Variants in CFH observed in about 807,000 individuals in gnomAD.
The protein encoded by CFH is complement factor H.
A neutral mutation model predicts 147.3 loss-of-function variants in CFH; 53 were observed. That is an observed-to-expected ratio of 0.36 (90% CI 0.29 to 0.45). The LOEUF is 0.45. Among genes scored for constraint, CFH ranks in the 20% least tolerant of loss-of-function variants. The pLI, the probability that CFH is intolerant of heterozygous loss-of-function variation, is 1.00. For synonymous variants in CFH, 536 were observed against 489.4 expected (o/e 1.10, Z -1.26); for missense variants, 1,380 against 1,498.0 (o/e 0.92, Z 1.30).
At chr1:196,719,677 TA>T (rs1490595588) in intron 11 of CFH, among the ~76,000 whole-genome samples, 2 of 151,794 alleles carry the variant, frequency 1.3e-5, no homozygotes, top group African/African-American at 4.8e-5. Context: ...ATATTTTGGA[TA>T]ATATTTAGTA....
At chr1:196,684,206 G>A (rs2149084759) in intron 6 of CFH, among the ~76,000 whole-genome samples, 1 of 151,912 alleles carries the variant, frequency 6.6e-6, no homozygotes, top group East Asian at 1.9e-4. Context: ...TGTAAACAAA[G>A]TTTTATTGAA....
intron 11 of CFH, among the ~76,000 whole-genome samples, 190 bp from the exon 12 acceptor site, chr1:196,724,931 A>C (rs530159860): frequency 1.4e-4 from 22 of 152,340 alleles, no homozygotes; most frequent in Admixed American, 1.2e-3. Context: ...CATAACATTT[A>C]TAATAAAGTT....
intron 9 of CFH, among the ~76,000 whole-genome samples, chr1:196,712,667 C>T (rs1295870813): frequency 6.6e-6 from 1 of 151,094 alleles, no homozygotes; most frequent in Non-Finnish European, 1.5e-5. Flanking sequence ...GCACAATGTG[C>T]AGGTTAGTTA....
At chr1:196,681,835 A>G (rs1190906585) in intron 6 of CFH, among the ~76,000 whole-genome samples, 1 of 151,836 alleles carries the variant, frequency 6.6e-6, no homozygotes, top group African/African-American at 2.4e-5. Context: ...CAACTAATAT[A>G]GCATAAATAT....
chr1:196,672,104 T>TA (rs142237195), intron 1 of CFH, among the ~76,000 whole-genome samples: 3 of 152,204 alleles, frequency 2.0e-5, no homozygotes, highest in East Asian at 3.9e-4. Context: ...ACCTAGACTC[T>TA]AGCAAAGCAA....
rs1313218518 is a variant in CFH at position 196,737,567 on chromosome 1, T to C, written c.2689T>C (p.Leu897=). The change falls in exon 17 of 22, where the codon TTG becomes CTG. Residue 897 remains leucine, a synonymous_variant. Coordinates refer to ENST00000367429, the MANE Select transcript of CFH (RefSeq NM_000186.4). ...AGAAAGTTATGCACATGGGACTAAA[T>C]TGAGTTATACTTGTGAGGGTGGTTT... The part of the protein sequence containing the change: ...SQESYAHGTK[L]SYTCEGGFRI... 1 of 1,613,366 alleles carries C rather than the reference T, an allele frequency of 6.2e-7. No individual in the cohort carries two copies. The highest frequency in any genetic ancestry group is 1.7e-5 in the Admixed American group (1 of 59,984).
chr1:196,681,661 T>C (rs1667663342), intron 6 of CFH, among the ~76,000 whole-genome samples: 1 of 151,848 alleles, frequency 6.6e-6, no homozygotes, highest in Non-Finnish European at 1.5e-5. Context: ...GGGTACTCCT[T>C]TTCAGAAGAC....
At chr1:196,708,371 G>T (rs572634757) in intron 9 of CFH, among the ~76,000 whole-genome samples, 34 of 152,226 alleles carry the variant, frequency 2.2e-4, no homozygotes, top group Non-Finnish European at 4.4e-4. Flanking sequence ...AGTACACCAA[G>T]AAATCACCAC....
intron 7 of CFH, among the ~76,000 whole-genome samples, chr1:196,687,811 T>G (rs1056021762): frequency 6.6e-6 from 1 of 152,086 alleles, no homozygotes. Flanking sequence ...GTAAATGTTT[T>G]AATTTCAACA....
Position 196,660,934 on chromosome 1 carries a change from G to A in CFH, c.58+8759G>A, listed in dbSNP as rs192201176. 6.2e-3 allele frequency among the ~76,000 whole-genome samples: 948 copies of A among 152,220 alleles called. 9 individuals are homozygous for A. Among genetic ancestry groups the A allele is most frequent in the African/African-American group, 0.021 (879 of 41,538 alleles). ...ATTTACTTCTCACTAGGAAGTGAGC[G>A]GGCTAAACTTTTTTTGTGTTAATGG... On this transcript the variant is annotated intron_variant, in intron 1 of 21. Coordinates refer to ENST00000367429, the MANE Select transcript of CFH (RefSeq NM_000186.4).
At position 196,677,579 on chromosome 1, in the gene CFH, A is replaced by G. The variant is rs1275340420; in HGVS notation, c.531A>G (p.Val177=). Residue 177 remains valine, a synonymous_variant, in exon 5 of 22, where the codon GTA becomes GTG. Transcript: ENST00000367429. ...ATTTTGGACAAGCAGTACGGTTTGT[A>G]TGTAACTCAGGCTACAAGATTGAAG... ...EYHFGQAVRF[V]CNSGYKIEGD... is the part of the protein sequence containing the mutation. 4 of 1,613,366 alleles carry G rather than the reference A, an allele frequency of 2.5e-6. No homozygotes were observed. Among genetic ancestry groups the G allele is most frequent in the South Asian group, 1.1e-5 (1 of 91,074 alleles).
At chr1:196,713,693 T>A in intron 9 of CFH, 42 bp from the exon 10 acceptor site, 1 of 1,229,628 alleles carries the variant, frequency 8.1e-7, no homozygotes, top group South Asian at 1.3e-5. Context: ...TAAAATGTTA[T>A]TGATCATATG....
chr1:196,746,335 C>A (rs1161032246), intron 21 of CFH, among the ~76,000 whole-genome samples: 1 of 152,076 alleles, frequency 6.6e-6, no homozygotes, highest in Admixed American at 6.6e-5. Flanking sequence ...CCTGTAGTCC[C>A]AGCTAGTCGG....
intron 9 of CFH, 26 bp downstream of exon 9, chr1:196,690,265 G>A (rs1667980490): frequency 1.2e-6 from 2 of 1,612,032 alleles, no homozygotes; most frequent in East Asian, 2.2e-5. Context: ...TGAAATCCTA[G>A]CATGTTCATG....
chr1:196,685,642 G>A (rs962711617), intron 7 of CFH, among the ~76,000 whole-genome samples: 1 of 152,034 alleles, frequency 6.6e-6, no homozygotes, highest in Non-Finnish European at 1.5e-5. Context: ...ATAAGTAGTT[G>A]TGAATCAGAC....
chr1:196,698,648 T>A (rs965273957), intron 9 of CFH, among the ~76,000 whole-genome samples: 7 of 152,106 alleles, frequency 4.6e-5, no homozygotes, highest in African/African-American at 1.7e-4. Context: ...CCAGAGGTAC[T>A]AAGAGGAGTT....
At position 196,747,242 on chromosome 1, in the gene CFH, T is replaced by A. The variant is rs561146868; in HGVS notation, c.3625T>A (p.Ser1209Thr). Reference protein sequence around the residue: ...FVCKRGYRLSSRSHTLRTTCW... With the variant: ...FVCKRGYRLSTRSHTLRTTCW... ...GTGTAAACGGGGATATCGTCTTTCATCACGTTCTCACACATTGCGAACAAC... is the reference window on the plus strand; with the variant it reads ...GTGTAAACGGGGATATCGTCTTTCAACACGTTCTCACACATTGCGAACAAC... Residue 1209 changes from serine (S) to threonine (T), a missense_variant, in exon 22 of 22, where the codon TCA becomes ACA. Coordinates refer to ENST00000367429, the MANE Select transcript of CFH (RefSeq NM_000186.4). 7.4e-6 allele frequency: 12 copies of A among 1,614,010 alleles called. No individual in the cohort carries two copies. The African/African-American group carries it at 1.2e-4, about 16-fold the overall frequency.
chr1:196,710,283 G>A (rs926153377), intron 9 of CFH, among the ~76,000 whole-genome samples: 21 of 152,140 alleles, frequency 1.4e-4, no homozygotes, highest in Admixed American at 5.9e-4. Flanking sequence ...TGGTGCCCTT[G>A]TGTTGATTAA....
intron 9 of CFH, among the ~76,000 whole-genome samples, chr1:196,702,519 G>T (rs911566188): frequency 6.2e-5 from 5 of 80,262 alleles, no homozygotes; most frequent in Non-Finnish European, 1.1e-4. Flanking sequence ...GAAGGAACAG[G>T]ATTGAAAAAA....
Sources: allele counts gnomAD v4.1 joint callset (sites outside exome capture counted in the v4.1 genomes callset), GRCh38; gene constraint gnomAD v4.1.1; transcripts MANE v1.5; gene names NCBI Gene and HGNC (gene_info 2026-07-23, HGNC 2026-07-21).